The following LSM14B variants were observed in gnomAD, a reference collection of about 807,000 sequenced individuals.
The protein encoded by LSM14B is LSM family member 14B.
Under a neutral mutation model 42.1 loss-of-function variants are expected in LSM14B, and 8 were observed. The observed-to-expected ratio is 0.19, with a 90% CI of 0.11 to 0.34. The LOEUF is 0.34. Ranked by LOEUF, LSM14B falls within the 10% of genes least tolerant of loss-of-function variation. The pLI, the probability that LSM14B is intolerant of heterozygous loss-of-function variation, is 1.00. For synonymous variants in LSM14B, 219 were observed against 209.7 expected (o/e 1.04, Z -0.38); for missense variants, 396 against 513.1 (o/e 0.77, Z 2.21).
intron 1 of LSM14B, among the ~76,000 whole-genome samples, chr20:62,123,889 T>G (rs1366492511): frequency 1.3e-5 from 2 of 152,170 alleles, no homozygotes; most frequent in African/African-American, 4.8e-5. Flanking sequence ...TCACTACACT[T>G]ATTACAGGAG....
At chr20:62,131,604 C>G in intron 7 of LSM14B, 98 bp downstream of exon 7, 1 of 1,480,424 alleles carries the variant, frequency 6.8e-7, no homozygotes, top group Non-Finnish European at 9.2e-7. Context: ...CTCTGAGGCT[C>G]AGGGTAGCTG....
chr20:62,133,131 C>T (rs1487967653), intron 7 of LSM14B, among the ~76,000 whole-genome samples, 159 bp from the exon 8 acceptor site: 2 of 152,226 alleles, frequency 1.3e-5, no homozygotes, highest in African/African-American at 4.8e-5. Flanking sequence ...GGAGCACCTG[C>T]AGTGCCGGAG....
At chr20:62,128,432 C>T (rs2145615878) in intron 3 of LSM14B, among the ~76,000 whole-genome samples, 1 of 152,388 alleles carries the variant, frequency 6.6e-6, no homozygotes. Context: ...GTCTGTCATT[C>T]TGCAGGTGCT....
rs1029604411 is a variant in LSM14B at position 62,134,193 on chromosome 20, T to C, written c.*45T>C. ...TACTGAAGTGGCGCATAACTGACGCTGTGTGTGTCAGGACGCGAGGAAAAC... is the reference window on the plus strand; with the variant it reads ...TACTGAAGTGGCGCATAACTGACGCCGTGTGTGTCAGGACGCGAGGAAAAC... On this transcript the variant is annotated 3_prime_UTR_variant, in exon 9 of 9. Transcript: ENST00000279068. The C allele has an allele frequency of 1.1e-5, 5 of 469,986 alleles. No individual in the cohort carries two copies. The highest frequency in any genetic ancestry group is 4.0e-5 in the African/African-American group (2 of 49,938). 29.1% of individuals were successfully genotyped at this position (469,986 alleles called of 1,614,324 possible). A position where few individuals can be genotyped will look rare whatever the true frequency, so the allele number is the denominator to read the frequency against.
intron 8 of LSM14B, among the ~76,000 whole-genome samples, chr20:62,133,915 T>G (rs1309832211): frequency 2.0e-5 from 3 of 152,200 alleles, no homozygotes; most frequent in African/African-American, 7.2e-5. Flanking sequence ...GGGTGCCTGG[T>G]GCCAACCCCA....
chr20:62,134,187 T>C lies in LSM14B; in HGVS notation c.*39T>C. ...GGCTCCTACTGAAGTGGCGCATAAC[T>C]GACGCTGTGTGTGTCAGGACGCGAG... On this transcript the variant is annotated 3_prime_UTR_variant, in exon 9 of 9. Coordinates refer to ENST00000279068, the MANE Select transcript of LSM14B (RefSeq NM_144703.3). The C allele has an allele frequency of 2.1e-6, 1 of 469,862 alleles. No homozygotes were observed. The highest frequency in any genetic ancestry group is 4.4e-6 in the Non-Finnish European group (1 of 226,320). The allele number at this position is 469,862 out of a possible 1,614,324, so 29.1% of individuals were successfully genotyped here. A position where few individuals can be genotyped will look rare whatever the true frequency, so the allele number is the denominator to read the frequency against.
At position 62,131,417 on chromosome 20, in the gene LSM14B, G is replaced by A. The variant is rs750898400; in HGVS notation, c.897G>A (p.Ala299=). The change falls in exon 7 of 9, where the codon GCG becomes GCA. Residue 299 remains alanine (A), a synonymous_variant. Transcript: ENST00000279068. Reference sequence around the variant, plus strand: ...CTGTGGTGACCCAGAGTGCCGAAGCGCCCGCTGAGGAAGACCTTCTGGGGC... The same window carrying A: ...CTGTGGTGACCCAGAGTGCCGAAGCACCCGCTGAGGAAGACCTTCTGGGGC... ...DLAVVTQSAE[A]PAEEDLLGPN... 6 of 1,613,480 alleles carry A rather than the reference G, an allele frequency of 3.7e-6. No individual in the cohort carries two copies. Among genetic ancestry groups the A allele is most frequent in the African/African-American group, 2.7e-5 (2 of 74,926 alleles).
chr20:62,122,672 C>T lies in LSM14B; in HGVS notation c.6C>T (p.Ser2=), dbSNP rs1468888577. 1.4e-5 allele frequency: 21 copies of T among 1,456,218 alleles called. No homozygotes were observed. Among genetic ancestry groups the T allele is most frequent in the Non-Finnish European group, 1.7e-5 (19 of 1,089,866 alleles). The allele number at this position is 1,456,218 out of a possible 1,614,324, so 90.2% of individuals were successfully genotyped here. ...GACGCACCCCGGCCGCCGCCATGAG[C>T]GGCTCCTCAGGCACCCCGTATCTGG... M[S]GSSGTPYLGS... is the part of the protein sequence containing the mutation. The change falls in exon 1 of 9, where the codon AGC becomes AGT. Residue 2 remains serine (S), a synonymous_variant. Coordinates refer to ENST00000279068, the MANE Select transcript of LSM14B (RefSeq NM_144703.3). The surrounding 1 kb of genome is among the most constrained non-coding windows in gnomAD (Gnocchi z 4.6).
chr20:62,125,791 A>G (rs900751280), intron 2 of LSM14B, among the ~76,000 whole-genome samples: 1 of 152,174 alleles, frequency 6.6e-6, no homozygotes, highest in Admixed American at 6.5e-5. Flanking sequence ...AATTACATGG[A>G]CAAGACACCT....
At chr20:62,123,531 AGAGTCAG>A (rs2056480575) in intron 1 of LSM14B, 1 of 152,242 alleles carries the variant, frequency 6.6e-6, no homozygotes. Context: ...GGGGCTCTTT[AGAGTCAG>A]AATCTCTGAG....
In LSM14B at chr20:62,122,677, C is replaced by T. The variant is rs2056435752; in HGVS notation, c.11C>T (p.Ser4Phe). The change falls in exon 1 of 9, where the codon TCC (serine) becomes TTC (phenylalanine). Residue 4 changes from serine (S) to phenylalanine (F), a missense_variant. Transcript: ENST00000279068. This position sits in a 1 kb window ranked among gnomAD's most constrained non-coding sequence, Gnocchi z 4.6. ...ACCCCGGCCGCCGCCATGAGCGGCT[C>T]CTCAGGCACCCCGTATCTGGGCAGC... The part of the protein sequence containing the change: MSG[S>F]SGTPYLGSKI... The T allele has an allele frequency of 6.8e-7, 1 of 1,474,400 alleles. No individual in the cohort carries two copies. Among genetic ancestry groups the T allele is most frequent in the Non-Finnish European group, 9.1e-7 (1 of 1,100,896 alleles). The allele number at this position is 1,474,400 out of a possible 1,614,324, so 91.3% of individuals were successfully genotyped here. A position where few individuals can be genotyped will look rare whatever the true frequency, so the allele number is the denominator to read the frequency against.
At chr20:62,123,102 G>A in intron 1 of LSM14B, 1 of 160,006 alleles carries the variant, frequency 6.2e-6, no homozygotes, top group East Asian at 1.8e-4. Context: ...CGGCCCCCGC[G>A]GTGCCGCCCC....
At chr20:62,124,359 TGTCA>T (rs1307872714) in intron 1 of LSM14B, among the ~76,000 whole-genome samples, 4 of 152,274 alleles carry the variant, frequency 2.6e-5, no homozygotes, top group African/African-American at 9.6e-5. Flanking sequence ...CACATCAGAC[TGTCA>T]GTCTGTGAAA....
At chr20:62,128,411 A>G (rs2056666379) in intron 3 of LSM14B, among the ~76,000 whole-genome samples, 1 of 152,244 alleles carries the variant, frequency 6.6e-6, no homozygotes, top group African/African-American at 2.4e-5. Context: ...TATGGCACAC[A>G]GCTGCTGTCA....
intron 3 of LSM14B, among the ~76,000 whole-genome samples, chr20:62,128,684 T>C (rs964227999): frequency 1.3e-5 from 2 of 152,204 alleles, no homozygotes; most frequent in South Asian, 4.1e-4. Context: ...CTCCCGGACA[T>C]GCTGAGTGAG....
chr20:62,127,683 C>CA, intron 3 of LSM14B: 1 of 1,550,594 alleles, frequency 6.4e-7, no homozygotes, highest in Non-Finnish European at 8.7e-7. Flanking sequence ...CTCAGAGCCA[C>CA]AGCAGCTCAC....
intron 1 of LSM14B, chr20:62,123,174 CGGGCCTCCTCCCCGCCAGCCTGGGGGGA>C (rs2056460636): frequency 6.5e-6 from 1 of 152,828 alleles, no homozygotes; most frequent in Admixed American, 6.5e-5. Flanking sequence ...CTCCCGTCAG[CGGGCCTCCTCCCCGCCAGCCTGGGGGGA>C]TCCCTGCGGG....
intron 3 of LSM14B, chr20:62,127,497 T>G: frequency 1.1e-6 from 1 of 940,560 alleles, no homozygotes. Context: ...GTTGCTTGGC[T>G]CTTTCCAAGC....
chr20:62,133,656 A>AC (rs2056830197), intron 8 of LSM14B, among the ~76,000 whole-genome samples, 181 bp downstream of exon 8: 1 of 152,226 alleles, frequency 6.6e-6, no homozygotes, highest in South Asian at 2.1e-4. Context: ...GCCAACTTCA[A>AC]CCTGCATCTG....
Sources: allele counts gnomAD v4.1 joint callset (sites outside exome capture counted in the v4.1 genomes callset), GRCh38; gene constraint gnomAD v4.1.1; non-coding constraint Gnocchi (gnomAD v3.1); transcripts MANE v1.5; gene names NCBI Gene and HGNC (gene_info 2026-07-23, HGNC 2026-07-21).